CASP8: variants seen among roughly 807,000 people sequenced by gnomAD.
CASP8 encodes caspase 8.
CASP8 carries 24 observed loss-of-function variants against 46.3 expected under a neutral mutation model. That is an observed-to-expected ratio of 0.52 (90% confidence interval 0.38 to 0.73). CASP8 has a LOEUF of 0.73. CASP8 is among the 30% of genes least tolerant of loss of function. The pLI, the probability that CASP8 is intolerant of heterozygous loss-of-function variation, is 0.00. For missense variants in CASP8, 460 were observed against 559.0 expected (o/e 0.82, Z 1.79); for synonymous variants, 188 against 200.4 (o/e 0.94, Z 0.52).
chr2:201,245,365 C>T (rs1376493103), intron 2 of CASP8, among the ~76,000 whole-genome samples: 3 of 152,128 alleles, frequency 2.0e-5, no homozygotes, highest in Non-Finnish European at 4.4e-5. Flanking sequence ...CTCAGCCTCC[C>T]GAGTAGCTGG....
intron 6 of CASP8, among the ~76,000 whole-genome samples, chr2:201,276,222 T>C (rs1398413417): frequency 6.6e-6 from 1 of 152,166 alleles, no homozygotes; most frequent in Non-Finnish European, 1.5e-5. Flanking sequence ...TTGGATACCA[T>C]AACCTACAGT....
rs796850798 is a variant in CASP8, at chr2:201,269,605, G to A, written c.306-1911G>A. The A allele has an allele frequency of 3.7e-6, 6 of 1,607,494 alleles. No individual in the cohort carries two copies. The Admixed American group carries it at 8.4e-5, about 22-fold the overall frequency. Reference sequence around the variant, plus strand: ...CGGAGGGTCGATCATCTATTAATAAGGCAGGATCTCTCTTAAAATCTTTAA... The same window carrying A: ...CGGAGGGTCGATCATCTATTAATAAAGCAGGATCTCTCTTAAAATCTTTAA... On this transcript the variant is annotated intron_variant, in intron 2 of 8. Transcript: ENST00000673742.
At chr2:201,277,023 T>A (rs2125322906) in intron 7 of CASP8, 55 bp downstream of exon 7, 2 of 1,316,344 alleles carry the variant, frequency 1.5e-6, no homozygotes, top group Non-Finnish European at 2.2e-6. Flanking sequence ...TATTTTTTTT[T>A]AAATCAAAAG....
chr2:201,251,749 A>G (rs7601229), intron 2 of CASP8, among the ~76,000 whole-genome samples: 18,549 of 151,980 alleles, frequency 0.12, 1,524 homozygotes, highest in South Asian at 0.29. Context: ...CTAAAAATAC[A>G]AAAATTAGCT....
At chr2:201,281,933 CTTTTTT>C (rs540286536) in intron 7 of CASP8, 60 of 262,110 alleles carry the variant, frequency 2.3e-4, no homozygotes, top group South Asian at 4.6e-4. Context: ...GGTTCAAATT[CTTTTTT>C]TTTTTTTTTT....
chr2:201,265,925 C>T (rs1016261626), intron 1 of CASP8, among the ~76,000 whole-genome samples: 2 of 152,154 alleles, frequency 1.3e-5, no homozygotes, highest in Admixed American at 6.5e-5. Flanking sequence ...CTCTACATCC[C>T]TACCACACTC....
At chr2:201,285,429 G>A in intron 8 of CASP8, 112 bp downstream of exon 8, 2 of 1,307,798 alleles carry the variant, frequency 1.5e-6, no homozygotes, top group Non-Finnish European at 2.2e-6. Flanking sequence ...ATGTGATTTA[G>A]ATCACATTAA....
At position 201,268,950 on chromosome 2, in the gene CASP8, TGTGTGTGA is replaced by T. The variant is rs772057570; in HGVS notation, c.305+2161_305+2168del. The stretch of plus-strand genomic sequence containing the variant: ...GTGTGTGTGTGTGTGTGTGTGTGTG[TGTGTGTGA>T]GACAGTGTCTCACTACATCGCCCAA... On this transcript the variant is annotated intron_variant, in intron 2 of 8. Coordinates refer to ENST00000673742, the MANE Select transcript of CASP8 (RefSeq NM_001372051.1). Among the ~76,000 whole-genome samples the T allele has an allele frequency of 4.8e-3, 712 of 148,526 alleles. 4 individuals are homozygous for T. The highest frequency in any genetic ancestry group is 7.4e-3 in the Non-Finnish European group (496 of 67,202).
intron 2 of CASP8, among the ~76,000 whole-genome samples, chr2:201,247,672 T>A (rs1946592882): frequency 1.3e-5 from 2 of 148,266 alleles, no homozygotes; most frequent in Non-Finnish European, 3.0e-5. Flanking sequence ...TGAGATGGAG[T>A]CTCGCTCTGT....
chr2:201,285,003 GGCCCCCATCTA>G lies in CASP8; in HGVS notation c.991_1001del (p.Ala331Ter). 6.2e-7 allele frequency: 1 copy of G among 1,614,132 alleles called. No homozygotes were observed. The stretch of plus-strand genomic sequence containing the variant: ...TCATCTATGGCACTGATGGACAGGA[GGCCCCCATCTA>G]TGAGCTGACATCTCAGTTCACTGGT... On this transcript the variant is annotated frameshift_variant, in exon 8 of 9. Coordinates refer to ENST00000673742, the MANE Select transcript of CASP8 (RefSeq NM_001372051.1). LOFTEE classifies it high-confidence loss of function.
At position 201,276,972 on chromosome 2, in the gene CASP8, C is replaced by A. The variant is rs746813867; in HGVS notation, c.802+4C>A. The stretch of plus-strand genomic sequence containing the variant: ...AATGGAACACACTTGGATGCAGGTA[C>A]AGTAGAACCCAAAAGAGAAAAGTAA... On this transcript the variant is annotated splice_donor_region_variant and intron_variant, in intron 7 of 8. Coordinates refer to ENST00000673742, the MANE Select transcript of CASP8 (RefSeq NM_001372051.1). 6.2e-7 allele frequency: 1 copy of A among 1,603,254 alleles called. No individual in the cohort carries two copies. Among genetic ancestry groups the A allele is most frequent in the Non-Finnish European group, 8.5e-7 (1 of 1,170,338 alleles).
At chr2:201,259,977 G>GT (rs546171439), upstream of CASP8, among the ~76,000 whole-genome samples, 380 of 136,368 alleles carry the variant, frequency 2.8e-3, 3 homozygotes, top group Middle Eastern at 7.7e-3. Flanking sequence ...TCTTTTTAGA[G>GT]TTTTTTTTTT....
In CASP8 at chr2:201,272,682, G is replaced by C; in HGVS notation, c.456G>C (p.Leu152=). 1 of 1,614,092 alleles carries C rather than the reference G, an allele frequency of 6.2e-7. No homozygotes were observed. Among genetic ancestry groups the C allele is most frequent in the Non-Finnish European group, 8.5e-7 (1 of 1,179,958 alleles). The change falls in exon 4 of 9, where the codon CTG becomes CTC. Residue 152 remains leucine (L), a synonymous_variant. Transcript: ENST00000673742. The surrounding 1 kb of genome is among the most constrained non-coding windows in gnomAD (Gnocchi z 4.4). ...TAGAGATGGAGAAGAGGGTCATCCTGGGAGAAGGAAAGTTGGACATCCTGA... is the reference window on the plus strand; with the variant it reads ...TAGAGATGGAGAAGAGGGTCATCCTCGGAGAAGGAAAGTTGGACATCCTGA... ...IFIEMEKRVI[L]GEGKLDILKR...
upstream of CASP8, among the ~76,000 whole-genome samples, chr2:201,255,965 C>T (rs181937609): frequency 2.0e-5 from 3 of 152,258 alleles, no homozygotes; most frequent in Admixed American, 6.5e-5. Flanking sequence ...CCTATGTTGC[C>T]CAGGCTGGCC....
intron 7 of CASP8, among the ~76,000 whole-genome samples, chr2:201,284,442 G>C (rs1477568923): frequency 1.5e-5 from 1 of 66,846 alleles, no homozygotes; most frequent in African/African-American, 5.5e-5. Flanking sequence ...GGGAGGCCGA[G>C]GCTGGCGGAT....
intron 3 of CASP8, 54 bp downstream of exon 3, chr2:201,271,675 G>A: frequency 9.2e-7 from 1 of 1,087,704 alleles, no homozygotes; most frequent in Non-Finnish European, 1.4e-6. Context: ...TAGCCAGGGG[G>A]CATTTCTGAG....
intron 2 of CASP8, chr2:201,241,476 T>G (rs767363210): frequency 6.6e-6 from 1 of 152,132 alleles, no homozygotes; most frequent in Admixed American, 6.6e-5. Flanking sequence ...CACAAAACCT[T>G]CCAATCTACG....
intron 1 of CASP8, among the ~76,000 whole-genome samples, chr2:201,264,239 T>C (rs960963986): frequency 1.6e-4 from 24 of 152,226 alleles, no homozygotes; most frequent in Admixed American, 6.5e-5. Flanking sequence ...CAAGGAATGC[T>C]ACCATGAATA....
At chr2:201,253,202 T>C (rs1000404895) in intron 2 of CASP8, among the ~76,000 whole-genome samples, 3 of 151,204 alleles carry the variant, frequency 2.0e-5, no homozygotes, top group Admixed American at 6.6e-5. Context: ...TTGCCCAGGC[T>C]GATCTTAAAC....
Sources: allele counts gnomAD v4.1 joint callset (sites outside exome capture counted in the v4.1 genomes callset), GRCh38; gene constraint gnomAD v4.1.1; non-coding constraint Gnocchi (gnomAD v3.1); transcripts MANE v1.5; gene names NCBI Gene and HGNC (gene_info 2026-07-23, HGNC 2026-07-21).